MTUS2: variants seen among roughly 807,000 people sequenced by gnomAD.
MTUS2 encodes the protein microtubule associated scaffold protein 2, also known as microtubule-associated tumor suppressor candidate 2.
In MTUS2, 40 loss-of-function variants were observed where a neutral mutation model predicts 114.1. The ratio of observed to expected loss-of-function variants is 0.35; its 90% CI spans 0.27 to 0.46. The LOEUF (loss-of-function observed/expected upper bound fraction) is 0.46. Among genes scored for constraint, MTUS2 ranks in the 20% least tolerant of loss-of-function variants. The pLI is 1.00. For missense variants in MTUS2, 1,679 were observed against 1,705.4 expected, an observed-to-expected ratio of 0.98 and a Z score of 0.27; for synonymous variants, 688 against 672.0, an observed-to-expected ratio of 1.02 and a Z score of -0.37.
chr13:29,120,775 T>C (rs572829709), intron 5 of MTUS2, among the ~76,000 whole-genome samples: 2 of 152,326 alleles, frequency 1.3e-5, no homozygotes, highest in South Asian at 2.1e-4. Flanking sequence ...CCCTCTATTA[T>C]TGAATTCAGT....
At chr13:29,216,219 T>C (rs2139302982) in intron 5 of MTUS2, among the ~76,000 whole-genome samples, 1 of 152,320 alleles carries the variant, frequency 6.6e-6, no homozygotes, top group East Asian at 1.9e-4. Context: ...ATGGCGGATG[T>C]CCCTTCCTTC....
intron 2 of MTUS2, among the ~76,000 whole-genome samples, chr13:28,927,097 T>C (rs1038890987): frequency 6.6e-6 from 1 of 152,220 alleles, no homozygotes; most frequent in African/African-American, 2.4e-5. Flanking sequence ...GCATTTATAG[T>C]AATCAGATTT....
intron 2 of MTUS2, among the ~76,000 whole-genome samples, chr13:28,947,308 G>T (rs1275680468): frequency 7.2e-5 from 11 of 152,168 alleles, no homozygotes; most frequent in Non-Finnish European, 1.6e-4. Context: ...TGATGGCTGT[G>T]CAACCTGGAA....
At chr13:29,159,924 A>G (rs908525215) in intron 5 of MTUS2, among the ~76,000 whole-genome samples, 2 of 152,256 alleles carry the variant, frequency 1.3e-5, no homozygotes, top group Non-Finnish European at 2.9e-5. Context: ...CACTCTGGAA[A>G]GCAGTTTGGC....
chr13:29,206,721 T>C (rs1022903927), intron 5 of MTUS2, among the ~76,000 whole-genome samples: 2 of 152,144 alleles, frequency 1.3e-5, no homozygotes, highest in African/African-American at 4.8e-5. Flanking sequence ...TGACTGTAGG[T>C]AGTAGGCTTT....
chr13:28,898,627 G>A (rs1033339609), intron 2 of MTUS2, among the ~76,000 whole-genome samples: 6 of 152,132 alleles, frequency 3.9e-5, no homozygotes, highest in African/African-American at 9.7e-5. Flanking sequence ...CACTAGCTGG[G>A]GGCTTGGCAT....
rs1161434676 is a variant in MTUS2 at position 28,908,606 on chromosome 13, G to A, written c.-243+68756G>A. On this transcript the variant is annotated intron_variant, in intron 2 of 15. Coordinates refer to ENST00000612955, the MANE Select transcript of MTUS2 (RefSeq NM_001033602.4). ...GAATAGTGCCGCAATAAACATACATGTGCATGTGTCTTTATAGCAGTGTGA... is the reference window on the plus strand; with the variant it reads ...GAATAGTGCCGCAATAAACATACATATGCATGTGTCTTTATAGCAGTGTGA... Among the ~76,000 whole-genome samples the A allele has an allele frequency of 6.6e-5, 10 of 151,548 alleles. No homozygotes were observed. In the East Asian group the frequency reaches 1.9e-3, roughly 29 times the overall value.
chr13:28,979,546 A>C (rs4768991), intron 2 of MTUS2, among the ~76,000 whole-genome samples: 26,712 of 152,078 alleles, frequency 0.18, 2,899 homozygotes, highest in East Asian at 0.52. Flanking sequence ...AGATTTAGTT[A>C]TATTATCTTG....
At chr13:29,207,627 T>TC (rs555117363) in intron 5 of MTUS2, among the ~76,000 whole-genome samples, 4 of 152,218 alleles carry the variant, frequency 2.6e-5, no homozygotes, top group Middle Eastern at 3.4e-3. Context: ...AGGGTTTTAA[T>TC]ATAAAGGGAT....
chr13:28,962,035 T>C (rs1409623696), intron 2 of MTUS2, among the ~76,000 whole-genome samples: 2 of 151,526 alleles, frequency 1.3e-5, no homozygotes, highest in South Asian at 2.1e-4. Context: ...TCTATACATA[T>C]ATATTTTATA....
At chr13:28,833,339 A>G (rs1874837235) in intron 1 of MTUS2, among the ~76,000 whole-genome samples, 1 of 152,132 alleles carries the variant, frequency 6.6e-6, no homozygotes, top group Admixed American at 6.5e-5. Context: ...GAAATCAGCA[A>G]CATATAAAAA....
chr13:29,104,320 C>G (rs1487059892), intron 5 of MTUS2, among the ~76,000 whole-genome samples: 2 of 152,172 alleles, frequency 1.3e-5, no homozygotes. Context: ...TTGACTTGCC[C>G]TGGGTCCTGG....
intron 8 of MTUS2, among the ~76,000 whole-genome samples, chr13:29,391,287 A>G (rs1057164752): frequency 1.3e-5 from 2 of 152,164 alleles, no homozygotes; most frequent in Non-Finnish European, 2.9e-5. Flanking sequence ...ACAGGGTTTC[A>G]CCATGTTGGC....
chr13:29,361,666 T>C, intron 8 of MTUS2, among the ~76,000 whole-genome samples: 1 of 152,110 alleles, frequency 6.6e-6, no homozygotes, highest in East Asian at 1.9e-4. Context: ...CCCTTTGAAG[T>C]TACCAGGTCA....
chr13:29,407,432 T>C (rs991247430), intron 8 of MTUS2, among the ~76,000 whole-genome samples: 14 of 150,818 alleles, frequency 9.3e-5, no homozygotes, highest in African/African-American at 3.4e-4. Flanking sequence ...CACATTATTC[T>C]CCAGAGTGAT....
At chr13:29,085,241 C>A (rs1208106005) in intron 4 of MTUS2, among the ~76,000 whole-genome samples, 2 of 152,090 alleles carry the variant, frequency 1.3e-5, no homozygotes, top group Non-Finnish European at 2.9e-5. Flanking sequence ...CAAAAGTAAA[C>A]CTCTTTTCTT....
chr13:29,390,536 C>G (rs1189663336), intron 8 of MTUS2, among the ~76,000 whole-genome samples: 3 of 151,118 alleles, frequency 2.0e-5, no homozygotes, highest in Non-Finnish European at 2.9e-5. Context: ...GCCTATTATC[C>G]CAGCTACCCA....
intron 4 of MTUS2, among the ~76,000 whole-genome samples, chr13:29,043,351 A>G (rs1257497376): frequency 5.3e-5 from 8 of 152,012 alleles, no homozygotes; most frequent in African/African-American, 1.9e-4. Flanking sequence ...TTTGTGGCCT[A>G]TCATATGCTC....
chr13:28,981,163 T>C (rs1422396607), intron 2 of MTUS2, among the ~76,000 whole-genome samples: 1 of 152,208 alleles, frequency 6.6e-6, no homozygotes, highest in Non-Finnish European at 1.5e-5. Flanking sequence ...TCAATGTGAT[T>C]AAAATGGTAA....
Sources: gnomAD v4.1 joint callset for allele counts (sites outside exome capture counted in the v4.1 genomes callset) on GRCh38, gnomAD v4.1.1 for gene constraint, MANE v1.5 for transcripts, NCBI Gene and HGNC (gene_info 2026-07-23, HGNC 2026-07-21) for gene names.